The following ZFHX3 variants were observed in gnomAD, a reference collection of about 807,000 sequenced individuals.
ZFHX3 encodes zinc finger homeobox 3.
A neutral mutation model predicts 279.1 loss-of-function variants in ZFHX3; 42 were observed. That is an observed-to-expected ratio of 0.15 (90% CI 0.12 to 0.19). ZFHX3 has a LOEUF of 0.19. Among genes scored for constraint, ZFHX3 ranks in the 10% least tolerant of loss-of-function variants. ZFHX3 has a pLI of 1.00. For missense variants in ZFHX3, 4,981 were observed against 4,754.0 expected, an observed-to-expected ratio of 1.05 and a Z score of -1.40; for synonymous variants, 2,293 against 1,957.8, an observed-to-expected ratio of 1.17 and a Z score of -4.52.
At chr16:73,838,109 G>A (rs1961192551) in intron 1 of ZFHX3, among the ~76,000 whole-genome samples, 2 of 152,288 alleles carry the variant, frequency 1.3e-5, no homozygotes, top group Admixed American at 6.5e-5. Context: ...TGTTTGTCCC[G>A]TTAGAAATGT....
chr16:72,789,951 C>G (rs185427661), intron 9 of ZFHX3: 1 of 152,338 alleles, frequency 6.6e-6, no homozygotes, highest in Non-Finnish European at 1.5e-5. Context: ...ACAACCTACC[C>G]GAAGCACCAC....
At chr16:73,342,563 T>A (rs1345694527) in intron 3 of ZFHX3, among the ~76,000 whole-genome samples, 1 of 152,076 alleles carries the variant, frequency 6.6e-6, no homozygotes. Flanking sequence ...AGAAAACGGG[T>A]GCAAAAGATC....
intron 2 of ZFHX3, chr16:73,483,314 A>T: frequency 2.2e-6 from 1 of 449,698 alleles, no homozygotes; most frequent in Non-Finnish European, 4.4e-6. Context: ...AGAGCGAGAG[A>T]CCAAGAGCGA....
intron 1 of ZFHX3, among the ~76,000 whole-genome samples, chr16:73,008,920 G>A (rs1171113543): frequency 6.6e-6 from 1 of 151,728 alleles, no homozygotes; most frequent in East Asian, 1.9e-4. Context: ...ACGTGTGTGT[G>A]TGTGTGTGTG....
intron 2 of ZFHX3, among the ~76,000 whole-genome samples, chr16:73,512,304 T>TG (rs1231768160): frequency 1.4e-5 from 2 of 143,522 alleles, no homozygotes; most frequent in African/African-American, 5.2e-5. Flanking sequence ...AAAAATTAGC[T>TG]GGGCATGGTG....
chr16:73,054,336 C>A (rs1047882900), intron 1 of ZFHX3, among the ~76,000 whole-genome samples: 3 of 151,812 alleles, frequency 2.0e-5, no homozygotes, highest in Admixed American at 6.6e-5. Flanking sequence ...TCCAGGCAGG[C>A]GAGCGCCACC....
chr16:73,284,003 G>A (rs927185505), intron 4 of ZFHX3, among the ~76,000 whole-genome samples: 1 of 151,628 alleles, frequency 6.6e-6, no homozygotes, highest in East Asian at 2.0e-4. Context: ...AAACAAATGC[G>A]GATAGGCAAA....
chr16:73,485,852 A>C (rs1439571933), intron 2 of ZFHX3, among the ~76,000 whole-genome samples: 3 of 152,024 alleles, frequency 2.0e-5, no homozygotes, highest in African/African-American at 7.2e-5. Context: ...TGACTTTCTT[A>C]GTCTGGGTGA....
Position 72,787,086 on chromosome 16 carries a change from G to T in ZFHX3, c.*78C>A. The T allele has an allele frequency of 5.2e-6, 6 of 1,151,106 alleles. No homozygotes were observed. The highest frequency in any genetic ancestry group is 3.4e-5 in the South Asian group (1 of 29,150). 71.3% of individuals were successfully genotyped at this position (1,151,106 alleles called of 1,614,324 possible). A position where few individuals can be genotyped will look rare whatever the true frequency, so the allele number is the denominator to read the frequency against. The stretch of plus-strand genomic sequence containing the variant: ...TTTGGTTAGAAGCTTTGGAATTGCA[G>T]TTAGTCTATTTTTGAAATTGGTTTG... On this transcript the variant is annotated 3_prime_UTR_variant, in exon 10 of 10. Transcript: ENST00000268489.
intron 5 of ZFHX3, among the ~76,000 whole-genome samples, chr16:73,189,536 T>G (rs1241927691): frequency 6.6e-6 from 1 of 152,214 alleles, no homozygotes; most frequent in Non-Finnish European, 1.5e-5. Context: ...GCCGGCTGCT[T>G]ATAAAGCAGA....
intron 9 of ZFHX3, among the ~76,000 whole-genome samples, chr16:72,791,842 G>A (rs1597232087): frequency 6.6e-6 from 1 of 152,138 alleles, no homozygotes; most frequent in Admixed American, 6.5e-5. Flanking sequence ...AAGAAATGGG[G>A]ACCAGGAATG....
intron 2 of ZFHX3, among the ~76,000 whole-genome samples, chr16:73,647,535 C>T (rs1386293181): frequency 6.6e-6 from 1 of 152,102 alleles, no homozygotes; most frequent in African/African-American, 2.4e-5. Flanking sequence ...GTTAAGTTTC[C>T]TGAGGCCTCC....
At chr16:72,989,915 T>C (rs550858259) in intron 1 of ZFHX3, among the ~76,000 whole-genome samples, 43 of 152,344 alleles carry the variant, frequency 2.8e-4, no homozygotes, top group African/African-American at 9.9e-4. Context: ...GTATGTTTCA[T>C]GCACAGGCCT....
At chr16:73,820,367 C>T (rs1439522514) in intron 1 of ZFHX3, among the ~76,000 whole-genome samples, 1 of 152,170 alleles carries the variant, frequency 6.6e-6, no homozygotes, top group African/African-American at 2.4e-5. Context: ...GCCACCACAC[C>T]CGGCCTGGGA....
chr16:72,910,156 C>T (rs995416867), intron 3 of ZFHX3, among the ~76,000 whole-genome samples: 1 of 152,172 alleles, frequency 6.6e-6, no homozygotes, highest in Admixed American at 6.5e-5. Flanking sequence ...AGGTTATACA[C>T]TTATTCAGAG....
chr16:73,105,074 A>G (rs1360258142), intron 7 of ZFHX3, among the ~76,000 whole-genome samples: 1 of 152,004 alleles, frequency 6.6e-6, no homozygotes, highest in African/African-American at 2.4e-5. Context: ...GCTCTTGCAC[A>G]AATATGTCCT....
intron 4 of ZFHX3, among the ~76,000 whole-genome samples, chr16:72,848,345 C>T (rs2037529717): frequency 6.6e-6 from 1 of 152,112 alleles, no homozygotes. Context: ...GCCGCACACT[C>T]GGTGCCTTCA....
chr16:72,996,388 T>G (rs776754430), intron 1 of ZFHX3, among the ~76,000 whole-genome samples: 13 of 152,240 alleles, frequency 8.5e-5, no homozygotes, highest in Non-Finnish European at 1.8e-4. Flanking sequence ...AGCATGATTT[T>G]CTTATCAGCA....
In ZFHX3 at chr16:72,960,176, C is replaced by G. The variant is rs1209187240; in HGVS notation, c.-31G>C. On this transcript the variant is annotated 5_prime_UTR_variant, in exon 2 of 10. Transcript: ENST00000268489. Reference sequence around the variant, plus strand: ...GGCCTGCGTGGAGCTTTCATTGCACCCAGTACGGAGGCTCGGACCTGAAGG... The same window carrying G: ...GGCCTGCGTGGAGCTTTCATTGCACGCAGTACGGAGGCTCGGACCTGAAGG... 6.6e-7 allele frequency: 1 copy of G among 1,526,106 alleles called. No homozygotes were observed. The highest frequency in any genetic ancestry group is 2.0e-5 in the Admixed American group (1 of 49,972). The allele number at this position is 1,526,106 out of a possible 1,614,324, so 94.5% of individuals were successfully genotyped here.
Sources: allele counts gnomAD v4.1 joint callset (sites outside exome capture counted in the v4.1 genomes callset), GRCh38; gene constraint gnomAD v4.1.1; transcripts MANE v1.5; gene names NCBI Gene and HGNC (gene_info 2026-07-23, HGNC 2026-07-21).